Variants in GRM1 observed in about 807,000 individuals in gnomAD.
GRM1 encodes glutamate metabotropic receptor 1.
A neutral mutation model predicts 90.9 loss-of-function variants in GRM1; 33 were observed. That is an observed-to-expected ratio of 0.36 (90% confidence interval 0.28 to 0.49). The LOEUF is 0.49. GRM1 is among the 20% of genes least tolerant of loss of function. The pLI is 0.99. For synonymous variants in GRM1, 700 were observed against 613.2 expected, an observed-to-expected ratio of 1.14 and a Z score of -2.09; for missense variants, 1,190 against 1,534.3, an observed-to-expected ratio of 0.78 and a Z score of 3.75.
At chr6:146,152,462 G>A (rs910042275) in intron 1 of GRM1, among the ~76,000 whole-genome samples, 2 of 151,708 alleles carry the variant, frequency 1.3e-5, no homozygotes, top group East Asian at 3.9e-4. Context: ...CTTGTGTCAT[G>A]CCTTCACACC....
chr6:146,342,842 C>G (rs1347375606), intron 3 of GRM1, among the ~76,000 whole-genome samples: 1 of 152,156 alleles, frequency 6.6e-6, no homozygotes, highest in Non-Finnish European at 1.5e-5. Context: ...GCACAGAGTT[C>G]TTGTATATCC....
At chr6:146,416,368 A>C (rs572645782) in intron 7 of GRM1, among the ~76,000 whole-genome samples, 16 of 152,070 alleles carry the variant, frequency 1.1e-4, no homozygotes, top group Non-Finnish European at 2.4e-4. Flanking sequence ...CTCCTGTATT[A>C]GTTTGTTAGC....
intron 1 of GRM1, among the ~76,000 whole-genome samples, chr6:146,112,119 C>G (rs923329135): frequency 1.3e-5 from 2 of 152,268 alleles, no homozygotes; most frequent in Non-Finnish European, 2.9e-5. Flanking sequence ...AGCTAAGCTG[C>G]CTGATTCTGC....
chr6:146,060,077 A>G (rs1359793299), intron 1 of GRM1, among the ~76,000 whole-genome samples: 1 of 152,056 alleles, frequency 6.6e-6, no homozygotes, highest in Non-Finnish European at 1.5e-5. Flanking sequence ...ATTTGCATTC[A>G]CAACTTGGCT....
intron 2 of GRM1, among the ~76,000 whole-genome samples, chr6:146,298,420 A>G (rs939890709): frequency 6.6e-6 from 1 of 152,206 alleles, no homozygotes; most frequent in Admixed American, 6.5e-5. Flanking sequence ...GGCTGAGCCT[A>G]TTGGATGAGT....
intron 2 of GRM1, among the ~76,000 whole-genome samples, chr6:146,261,442 A>G (rs1230343793): frequency 6.6e-6 from 1 of 152,156 alleles, no homozygotes; most frequent in Admixed American, 6.5e-5. Context: ...CAGTTCAAAC[A>G]GGATAGATGT....
intron 1 of GRM1, among the ~76,000 whole-genome samples, chr6:146,039,116 T>C (rs996141489): frequency 1.3e-5 from 2 of 151,996 alleles, no homozygotes; most frequent in East Asian, 1.9e-4. Flanking sequence ...AGTGGAATTA[T>C]AGTCTTCCTT....
intron 2 of GRM1, among the ~76,000 whole-genome samples, chr6:146,191,023 CA>C (rs1034629278): frequency 6.6e-6 from 1 of 152,188 alleles, no homozygotes; most frequent in Non-Finnish European, 1.5e-5. Context: ...CCTCATCCTC[CA>C]TGCACTTGCC....
chr6:146,355,288 G>A (rs1785545558), intron 4 of GRM1, among the ~76,000 whole-genome samples: 1 of 151,382 alleles, frequency 6.6e-6, no homozygotes, highest in African/African-American at 2.4e-5. Flanking sequence ...AACAGGATGA[G>A]TGTGAGCCAG....
chr6:146,352,506 T>A lies in GRM1; in HGVS notation c.1433+10T>A, dbSNP rs373538200. 2 of 1,613,116 alleles carry A rather than the reference T, an allele frequency of 1.2e-6. No individual in the cohort carries two copies. Among genetic ancestry groups the A allele is most frequent in the African/African-American group, 1.3e-5 (1 of 74,916 alleles). ...GAGACGCTCCTGGAAGGTAATCTTTTCAGTAATCAATCTAAGTAACCTTGT... is the reference window on the plus strand; with the variant it reads ...GAGACGCTCCTGGAAGGTAATCTTTACAGTAATCAATCTAAGTAACCTTGT... On this transcript the variant is annotated intron_variant, in intron 4 of 7. Transcript: ENST00000282753.
chr6:146,199,270 T>A (rs1779221066), intron 2 of GRM1, among the ~76,000 whole-genome samples: 1 of 152,160 alleles, frequency 6.6e-6, no homozygotes, highest in Non-Finnish European at 1.5e-5. Context: ...TCTTTATTCC[T>A]TTCTCTGTCA....
At chr6:146,099,054 C>T (rs1375757510) in intron 1 of GRM1, among the ~76,000 whole-genome samples, 1 of 152,114 alleles carries the variant, frequency 6.6e-6, no homozygotes, top group Non-Finnish European at 1.5e-5. Context: ...AAAGTACATA[C>T]AACCCATATT....
chr6:146,257,940 C>G (rs1166539776), intron 2 of GRM1, among the ~76,000 whole-genome samples: 1 of 151,536 alleles, frequency 6.6e-6, no homozygotes, highest in East Asian at 1.9e-4. Context: ...TTAACCAACA[C>G]ATCCAGGATA....
At chr6:146,255,501 G>A (rs1416672502) in intron 2 of GRM1, among the ~76,000 whole-genome samples, 1 of 152,060 alleles carries the variant, frequency 6.6e-6, no homozygotes, top group Non-Finnish European at 1.5e-5. Context: ...ACCAGGGGAT[G>A]ATTTCCCTAA....
At chr6:146,386,631 AT>A (rs1205919823) in intron 5 of GRM1, among the ~76,000 whole-genome samples, 2 of 152,050 alleles carry the variant, frequency 1.3e-5, no homozygotes, top group South Asian at 2.1e-4. Context: ...CTGCAAAAAA[AT>A]GTAGTCAAAT....
intron 5 of GRM1, chr6:146,365,147 A>G (rs1397255606): frequency 6.6e-6 from 1 of 152,212 alleles, no homozygotes; most frequent in Non-Finnish European, 1.5e-5. Flanking sequence ...TAATTATGTA[A>G]TGATGAGATC....
chr6:146,283,837 A>G (rs1782667283), intron 2 of GRM1, among the ~76,000 whole-genome samples: 1 of 152,202 alleles, frequency 6.6e-6, no homozygotes, highest in African/African-American at 2.4e-5. Context: ...CACATGCTTC[A>G]CCACAATGCA....
intron 2 of GRM1, among the ~76,000 whole-genome samples, chr6:146,264,451 T>A (rs1230181739): frequency 6.6e-6 from 1 of 152,086 alleles, no homozygotes; most frequent in African/African-American, 2.4e-5. Context: ...TAATTAAAAT[T>A]TTAATCAAAA....
intron 2 of GRM1, among the ~76,000 whole-genome samples, chr6:146,163,120 T>C (rs1777796734): frequency 6.6e-6 from 1 of 152,118 alleles, no homozygotes; most frequent in Admixed American, 6.6e-5. Flanking sequence ...ATTCATAGAA[T>C]AAGCTGGTCA....
Sources: allele counts gnomAD v4.1 joint callset (sites outside exome capture counted in the v4.1 genomes callset), GRCh38; gene constraint gnomAD v4.1.1; transcripts MANE v1.5; gene names NCBI Gene and HGNC (gene_info 2026-07-23, HGNC 2026-07-21).